TYW1B: variants seen among roughly 807,000 people sequenced by gnomAD.
The protein encoded by TYW1B is tRNA-yW synthesizing protein 1 homolog B.
In TYW1B, 73 loss-of-function variants were observed where a neutral mutation model predicts 86.9. The ratio of observed to expected loss-of-function variants is 0.84; its 90% CI spans 0.70 to 1.02. TYW1B has a LOEUF of 1.02. Among genes scored for constraint, TYW1B ranks in the 50% least tolerant of loss-of-function variants. The pLI, the probability that TYW1B is intolerant of heterozygous loss-of-function variation, is 0.00. For synonymous variants in TYW1B, 248 were observed against 292.8 expected (o/e 0.85, Z 1.56); for missense variants, 637 against 827.4 (o/e 0.77, Z 2.82).
At chr7:72,767,855 G>T (rs1787798131) in intron 7 of TYW1B, among the ~76,000 whole-genome samples, 1 of 152,024 alleles carries the variant, frequency 6.6e-6, no homozygotes, top group South Asian at 2.1e-4. Flanking sequence ...AAAACAACTG[G>T]ATATCCATAT....
rs538736706 is a variant in TYW1B at position 72,595,604 on chromosome 7, G to C, written c.1786-19885C>G. 7.8e-4 allele frequency among the ~76,000 whole-genome samples: 118 copies of C among 152,246 alleles called. 1 individual carries two copies. Among genetic ancestry groups the C allele is most frequent in the African/African-American group, 2.7e-3 (112 of 41,544 alleles). ...AGGCTGAGGTGGGAGGATCTCTTGA[G>C]TCTCAGAGGTGGAAGTAGCACCAAG... On this transcript the variant is annotated intron_variant, in intron 13 of 13. Coordinates refer to ENST00000620995, the MANE Select transcript of TYW1B (RefSeq NM_001145440.3).
intron 7 of TYW1B, among the ~76,000 whole-genome samples, chr7:72,771,124 G>A (rs1787860377): frequency 1.3e-5 from 2 of 151,760 alleles, no homozygotes; most frequent in Admixed American, 1.3e-4. Flanking sequence ...CAGGACACCT[G>A]GCTAATTTTG....
chr7:72,687,527 T>C (rs1474398239), intron 11 of TYW1B, among the ~76,000 whole-genome samples: 1 of 152,126 alleles, frequency 6.6e-6, no homozygotes, highest in Non-Finnish European at 1.5e-5. Flanking sequence ...CACTATTACT[T>C]GCAAAATCAT....
intron 3 of TYW1B, among the ~76,000 whole-genome samples, chr7:72,813,245 G>A (rs1171611250): frequency 2.1e-5 from 3 of 143,324 alleles, no homozygotes; most frequent in Admixed American, 7.2e-5. Flanking sequence ...GCGCAATCTC[G>A]GCTCACTGCG....
intron 10 of TYW1B, among the ~76,000 whole-genome samples, chr7:72,700,259 CT>C (rs1814433713): frequency 6.8e-6 from 1 of 148,008 alleles, no homozygotes; most frequent in South Asian, 2.2e-4. Context: ...ACTGCAACCT[CT>C]GCCTCCCAGG....
In TYW1B at chr7:72,791,309, C is replaced by T. The variant is rs1554473358; in HGVS notation, c.846+11091G>A. On this transcript the variant is annotated intron_variant, in intron 6 of 13. Coordinates refer to ENST00000620995, the MANE Select transcript of TYW1B (RefSeq NM_001145440.3). ...GTCTATTCCCTGGAGCCCAGTCTGGCGCTCAGACCTTTAGACTCATTATAA... is the reference window on the plus strand; with the variant it reads ...GTCTATTCCCTGGAGCCCAGTCTGGTGCTCAGACCTTTAGACTCATTATAA... Among the ~76,000 whole-genome samples, 7 of 151,384 alleles carry T rather than the reference C, an allele frequency of 4.6e-5. No individual in the cohort carries two copies. In the South Asian group the frequency reaches 6.3e-4, roughly 14 times the overall value.
intron 11 of TYW1B, among the ~76,000 whole-genome samples, chr7:72,674,144 A>G (rs1298508547): frequency 2.0e-5 from 3 of 152,148 alleles, no homozygotes; most frequent in Non-Finnish European, 4.4e-5. Flanking sequence ...CAGCAAAGCA[A>G]GCCCTTAGCC....
At chr7:72,585,253 A>G (rs1207752540) in intron 13 of TYW1B, among the ~76,000 whole-genome samples, 2 of 152,206 alleles carry the variant, frequency 1.3e-5, no homozygotes, top group African/African-American at 4.8e-5. Flanking sequence ...TTTTGTTACA[A>G]ATACTGCAGA....
chr7:72,709,503 C>T (rs557909169), intron 10 of TYW1B, among the ~76,000 whole-genome samples: 2 of 152,116 alleles, frequency 1.3e-5, no homozygotes, highest in South Asian at 2.1e-4. Flanking sequence ...CCTGTCTCTA[C>T]TAAAAATACA....
In TYW1B at chr7:72,694,828, T is replaced by A; in HGVS notation, c.1371-6A>T. On this transcript the variant is annotated splice_polypyrimidine_tract_variant and splice_region_variant and intron_variant, in intron 10 of 13. Coordinates refer to ENST00000620995, the MANE Select transcript of TYW1B (RefSeq NM_001145440.3). ...GAGTAACTGGCTCGAGGTTCCTTAG[T>A]AATTTTTTTTTTTAAAGGAAGAAAG... 6.3e-7 allele frequency: 1 copy of A among 1,580,888 alleles called. No homozygotes were observed.
intron 6 of TYW1B, among the ~76,000 whole-genome samples, chr7:72,782,556 A>G (rs781818401): frequency 6.6e-6 from 1 of 152,138 alleles, no homozygotes; most frequent in Non-Finnish European, 1.5e-5. Flanking sequence ...CCATCAGGTG[A>G]TTCCTTTTCT....
At chr7:72,626,730 C>T (rs112073746) in intron 12 of TYW1B, among the ~76,000 whole-genome samples, 2,152 of 134,152 alleles carry the variant, frequency 0.016, 42 homozygotes, top group African/African-American at 0.053. Context: ...ATCCTAAATG[C>T]ACCCACTGCT....
intron 7 of TYW1B, among the ~76,000 whole-genome samples, chr7:72,759,194 G>A (rs1052655725): frequency 2.4e-4 from 37 of 152,150 alleles, no homozygotes; most frequent in Non-Finnish European, 2.4e-4. Context: ...TTAGCCAGGC[G>A]TGGTGGCACG....
chr7:72,645,584 T>C (rs1463178234), intron 11 of TYW1B, among the ~76,000 whole-genome samples: 4 of 152,302 alleles, frequency 2.6e-5, no homozygotes, highest in South Asian at 4.1e-4. Flanking sequence ...TACTCATACA[T>C]TGACATATAG....
intron 11 of TYW1B, among the ~76,000 whole-genome samples, chr7:72,675,348 G>A (rs1423122302): frequency 4.0e-5 from 6 of 151,820 alleles, no homozygotes; most frequent in East Asian, 1.9e-4. Context: ...GCAGTGAGCC[G>A]AGACTGTGCC....
chr7:72,673,642 T>C (rs1490783992), intron 11 of TYW1B, among the ~76,000 whole-genome samples: 2 of 152,282 alleles, frequency 1.3e-5, no homozygotes, highest in Admixed American at 6.5e-5. Flanking sequence ...GGATGGTTAA[T>C]GGGTACAAAA....
intron 13 of TYW1B, among the ~76,000 whole-genome samples, chr7:72,581,678 T>TGC (rs1289682724): frequency 6.6e-6 from 1 of 152,056 alleles, no homozygotes; most frequent in Admixed American, 6.6e-5. Context: ...AGGCTGGTCT[T>TGC]TAGTCTCCCA....
At chr7:72,600,667 A>G (rs1554433538) in intron 13 of TYW1B, among the ~76,000 whole-genome samples, 1 of 152,198 alleles carries the variant, frequency 6.6e-6, no homozygotes, top group African/African-American at 2.4e-5. Context: ...GAAAATAACC[A>G]ACTACCAGCC....
chr7:72,819,373 G>A (rs1178811489), intron 2 of TYW1B, among the ~76,000 whole-genome samples: 1 of 152,172 alleles, frequency 6.6e-6, no homozygotes, highest in Admixed American at 6.5e-5. Flanking sequence ...GAGTGGTACT[G>A]AATCAGAAAG....
Sources: gnomAD v4.1 joint callset for allele counts (sites outside exome capture counted in the v4.1 genomes callset) on GRCh38, gnomAD v4.1.1 for gene constraint, MANE v1.5 for transcripts, NCBI Gene and HGNC (gene_info 2026-07-23, HGNC 2026-07-21) for gene names.